The following NCOA2 variants were observed in gnomAD, a reference collection of about 807,000 sequenced individuals.
NCOA2 encodes class E basic helix-loop-helix protein 75.
A neutral mutation model predicts 145.1 loss-of-function variants in NCOA2; 21 were observed. The observed-to-expected ratio is 0.14, with a 90% CI of 0.10 to 0.21. The LOEUF is 0.21. Ranked by LOEUF, NCOA2 falls within the 10% of genes least tolerant of loss-of-function variation. The pLI is 1.00. For missense variants in NCOA2, 1,472 were observed against 1,837.6 expected (o/e 0.80, Z 3.64); for synonymous variants, 619 against 637.5 (o/e 0.97, Z 0.44).
the NCOA2 span, among the ~76,000 whole-genome samples, chr8:70,445,635 C>T: frequency 3.9e-5 from 6 of 152,324 alleles, no homozygotes; most frequent in East Asian, 9.6e-4. Context: ...ATTATAATAT[C>T]TGGTATATTC....
chr8:70,150,202 T>C (rs1811586470), intron 11 of NCOA2, among the ~76,000 whole-genome samples: 1 of 152,166 alleles, frequency 6.6e-6, no homozygotes, highest in Non-Finnish European at 1.5e-5. Context: ...AGCCACTCAA[T>C]TGTAACAAAA....
chr8:70,128,886 T>G lies in NCOA2; in HGVS notation c.3419A>C (p.Gln1140Pro), dbSNP rs1351112735. Residue 1140 changes from glutamine to proline, a missense_variant, in exon 17 of 23, where the codon CAG becomes CCG. Physicochemically the swap from Gln to Pro is moderately conservative, Grantham distance 76 (BLOSUM62 -1). Coordinates refer to ENST00000452400, the MANE Select transcript of NCOA2 (RefSeq NM_006540.4). ...ATAGCTACCCTGGGCCATTTGTGCC[T>G]GAGATGCATACTGCTGTGGGAAAAC... is the stretch of plus-strand genomic sequence containing the variant. ...APVFPQQYAS[Q>P]AQMAQGSYSP... is the part of the protein sequence containing the mutation. 6.2e-7 allele frequency: 1 copy of G among 1,613,704 alleles called. No individual in the cohort carries two copies. Among genetic ancestry groups the G allele is most frequent in the African/African-American group, 1.3e-5 (1 of 74,926 alleles).
intron 2 of NCOA2, among the ~76,000 whole-genome samples, chr8:70,235,634 A>G (rs1386471302): frequency 6.6e-6 from 1 of 152,080 alleles, no homozygotes; most frequent in Non-Finnish European, 1.5e-5. Context: ...ACTCAAGCCC[A>G]GGAGTTAGAG....
chr8:70,383,205 T>C (rs955851059), intron 1 of NCOA2, among the ~76,000 whole-genome samples: 1 of 152,036 alleles, frequency 6.6e-6, no homozygotes, highest in Non-Finnish European at 1.5e-5. Context: ...CAGGGCTAGA[T>C]AGTGGATGGG....
chr8:70,152,602 T>G (rs949711426), intron 11 of NCOA2, among the ~76,000 whole-genome samples: 6 of 152,204 alleles, frequency 3.9e-5, no homozygotes, highest in African/African-American at 1.4e-4. Flanking sequence ...TATCGTTTGG[T>G]TAAGTATCAA....
At chr8:70,247,748 C>T (rs775503025) in intron 2 of NCOA2, among the ~76,000 whole-genome samples, 1 of 152,222 alleles carries the variant, frequency 6.6e-6, no homozygotes, top group Non-Finnish European at 1.5e-5. Context: ...TTATTAACTA[C>T]AACGGCGCTT....
chr8:70,345,701 G>C (rs950780419), intron 1 of NCOA2, among the ~76,000 whole-genome samples: 4 of 152,130 alleles, frequency 2.6e-5, no homozygotes, highest in African/African-American at 9.7e-5. Flanking sequence ...TGATCTGAAA[G>C]AGCATCTAGT....
chr8:70,202,398 T>C (rs930250411), intron 4 of NCOA2, among the ~76,000 whole-genome samples: 11 of 152,226 alleles, frequency 7.2e-5, no homozygotes, highest in South Asian at 2.1e-4. Context: ...CCCATGTTAA[T>C]TGCAGTATTT....
the NCOA2 span, among the ~76,000 whole-genome samples, chr8:70,427,170 T>C: frequency 6.6e-6 from 1 of 152,226 alleles, no homozygotes; most frequent in Non-Finnish European, 1.5e-5. Context: ...TGCCAAATTG[T>C]AATTCTCAAT....
intron 1 of NCOA2, among the ~76,000 whole-genome samples, chr8:70,303,911 C>A (rs1268564342): frequency 1.3e-5 from 2 of 152,076 alleles, no homozygotes; most frequent in Admixed American, 1.3e-4. Flanking sequence ...TCCACCCCCA[C>A]CTCAAGTAAA....
At chr8:70,133,918 A>G (rs1413163956) in intron 15 of NCOA2, among the ~76,000 whole-genome samples, 1 of 152,196 alleles carries the variant, frequency 6.6e-6, no homozygotes, top group Admixed American at 6.5e-5. Flanking sequence ...TAACTTGGAA[A>G]TTGTCCAGCT....
At chr8:70,356,796 A>T (rs1177988664) in intron 1 of NCOA2, among the ~76,000 whole-genome samples, 1 of 152,228 alleles carries the variant, frequency 6.6e-6, no homozygotes, top group Non-Finnish European at 1.5e-5. Flanking sequence ...TTACCTCAAA[A>T]GGTATTTTCA....
At position 70,337,200 on chromosome 8, in the gene NCOA2, AGTGTGT is replaced by A. The variant is rs72265721; in HGVS notation, c.-76-40406_-76-40401del. ...TTTAGCCTACCCAGCACTGCTGAGG[AGTGTGT>A]GTGTGTGTGTGTGTGTGTGTGTGTG... On this transcript the variant is annotated intron_variant, in intron 1 of 22. Coordinates refer to ENST00000452400, the MANE Select transcript of NCOA2 (RefSeq NM_006540.4). 7.4e-3 allele frequency among the ~76,000 whole-genome samples: 1,086 copies of A among 146,306 alleles called. 11 individuals carry two copies. The highest frequency in any genetic ancestry group is 0.025 in the African/African-American group (992 of 40,330).
chr8:70,188,382 T>C (rs1292655224), intron 4 of NCOA2, among the ~76,000 whole-genome samples: 1 of 152,178 alleles, frequency 6.6e-6, no homozygotes, highest in Non-Finnish European at 1.5e-5. Context: ...ACGACCTCAA[T>C]CTTTTCCAAG....
At chr8:70,145,210 T>G (rs1234752027) in intron 12 of NCOA2, among the ~76,000 whole-genome samples, 2 of 152,222 alleles carry the variant, frequency 1.3e-5, no homozygotes, top group African/African-American at 4.8e-5. Flanking sequence ...CAAGCTAGAG[T>G]GCAATGGCAC....
chr8:70,392,973 C>T (rs1358746503), intron 1 of NCOA2, among the ~76,000 whole-genome samples: 5 of 152,140 alleles, frequency 3.3e-5, no homozygotes, highest in Admixed American at 2.0e-4. Context: ...CCAGGGATAC[C>T]TGAACCTCAA....
chr8:70,375,327 T>C (rs1212720241), intron 1 of NCOA2, among the ~76,000 whole-genome samples: 1 of 152,166 alleles, frequency 6.6e-6, no homozygotes, highest in African/African-American at 2.4e-5. Flanking sequence ...ATGCCAAAAA[T>C]GCCAACTGTC....
At chr8:70,424,572 G>A in the NCOA2 span, 1 of 509,394 alleles carries the variant, frequency 2.0e-6, no homozygotes, top group African/African-American at 1.9e-5. Flanking sequence ...GATCACAAGA[G>A]ATAAGGCAGC....
At chr8:70,218,820 T>A (rs1404875945) in intron 2 of NCOA2, among the ~76,000 whole-genome samples, 1 of 152,208 alleles carries the variant, frequency 6.6e-6, no homozygotes, top group African/African-American at 2.4e-5. Flanking sequence ...CATTACAATA[T>A]AGCCTTCAAT....
Sources: allele counts gnomAD v4.1 joint callset (sites outside exome capture counted in the v4.1 genomes callset), GRCh38; gene constraint gnomAD v4.1.1; transcripts MANE v1.5; gene names NCBI Gene and HGNC (gene_info 2026-07-23, HGNC 2026-07-21).